Variants in OVCH1 observed in about 807,000 individuals in gnomAD.
The protein encoded by OVCH1 is ovochymase-1.
OVCH1 carries 139 observed loss-of-function variants against 138.4 expected under a neutral mutation model. The observed-to-expected ratio is 1.00, with a 90% confidence interval of 0.87 to 1.16. The LOEUF is 1.16. Among genes scored for constraint, OVCH1 ranks in the 50% most tolerant of loss-of-function variants. OVCH1 has a pLI of 0.00. For synonymous variants in OVCH1, 453 were observed against 467.8 expected (o/e 0.97, Z 0.41); for missense variants, 1,367 against 1,357.9 (o/e 1.01, Z -0.11).
intron 21 of OVCH1, among the ~76,000 whole-genome samples, chr12:29,452,241 G>A (rs925432012): frequency 2.0e-5 from 3 of 152,088 alleles, no homozygotes; most frequent in Admixed American, 1.3e-4. Flanking sequence ...TTTAATGTAT[G>A]TGTTAGTGAA....
intron 21 of OVCH1, among the ~76,000 whole-genome samples, chr12:29,452,634 G>A (rs1941829458): frequency 6.6e-6 from 1 of 152,190 alleles, no homozygotes; most frequent in African/African-American, 2.4e-5. Context: ...TCTGGCCTCA[G>A]CCTGTCTTTC....
chr12:29,423,017 C>T (rs1038195175), downstream of OVCH1: 13 of 239,962 alleles, frequency 5.4e-5, no homozygotes, highest in Non-Finnish European at 1.0e-4. Context: ...ATATCCTTTT[C>T]TTTTTTTAGT....
intron 23 of OVCH1, 117 bp downstream of exon 23, chr12:29,445,161 C>T (rs1337351242): frequency 8.2e-7 from 1 of 1,217,508 alleles, no homozygotes; most frequent in Non-Finnish European, 1.1e-6. Flanking sequence ...AACATATACT[C>T]ATTTCCCCAC....
the OVCH1 span, among the ~76,000 whole-genome samples, chr12:29,403,044 C>A: frequency 6.6e-6 from 1 of 152,116 alleles, no homozygotes; most frequent in Non-Finnish European, 1.5e-5. Context: ...ATTTGGGAAA[C>A]ATACCATTTT....
intron 16 of OVCH1, among the ~76,000 whole-genome samples, chr12:29,468,445 A>G (rs1258116451): frequency 6.6e-6 from 1 of 152,204 alleles, no homozygotes; most frequent in African/African-American, 2.4e-5. Context: ...TGGGAAGAAT[A>G]GGTTTGTTAT....
intron 8 of OVCH1, among the ~76,000 whole-genome samples, chr12:29,485,524 C>T (rs894456511): frequency 6.6e-6 from 1 of 151,808 alleles, no homozygotes; most frequent in African/African-American, 2.4e-5. Flanking sequence ...CCTGTAATAC[C>T]AGCACTTTGG....
intron 4 of OVCH1, among the ~76,000 whole-genome samples, chr12:29,493,728 A>G (rs926927834): frequency 3.3e-5 from 5 of 152,108 alleles, no homozygotes; most frequent in Non-Finnish European, 5.9e-5. Context: ...TTGTGGTTCA[A>G]TCATTTTCAG....
At chr12:29,409,792 G>C (rs1010740128), downstream of OVCH1, among the ~76,000 whole-genome samples, 5 of 152,164 alleles carry the variant, frequency 3.3e-5, no homozygotes, top group African/African-American at 1.2e-4. Context: ...CTGTTGATTT[G>C]GGGTGGAGAG....
At chr12:29,465,853 TC>T (rs1477498228) in intron 16 of OVCH1, among the ~76,000 whole-genome samples, 1 of 151,598 alleles carries the variant, frequency 6.6e-6, no homozygotes, top group Non-Finnish European at 1.5e-5. Flanking sequence ...AACCCAAACA[TC>T]CATCAATGAT....
At chr12:29,421,823 G>A (rs11829375) in intron 3 of OVCH1, among the ~76,000 whole-genome samples, 26,265 of 152,008 alleles carry the variant, frequency 0.17, 2,538 homozygotes, top group African/African-American at 0.27. Context: ...ATTAGGATAT[G>A]TGCTTATTTA....
chr12:29,425,629 G>A (rs1941168299), downstream of OVCH1, among the ~76,000 whole-genome samples: 1 of 152,136 alleles, frequency 6.6e-6, no homozygotes, highest in African/African-American at 2.4e-5. Context: ...TTATTTAACA[G>A]TTTTGTGACT....
chr12:29,449,115 C>G (rs1592051405), intron 22 of OVCH1, among the ~76,000 whole-genome samples: 1 of 152,200 alleles, frequency 6.6e-6, no homozygotes, highest in Non-Finnish European at 1.5e-5. Context: ...CTTTAAAAGC[C>G]TTTAATGTAT....
chr12:29,428,334 TC>T (rs1203038842), intron 27 of OVCH1, among the ~76,000 whole-genome samples: 1 of 152,170 alleles, frequency 6.6e-6, no homozygotes, highest in Non-Finnish European at 1.5e-5. Flanking sequence ...TTAGACCCTC[TC>T]CAAAATTACC....
At chr12:29,455,032 A>G in intron 20 of OVCH1, 99 bp from the exon 21 acceptor site, 1 of 1,231,088 alleles carries the variant, frequency 8.1e-7, no homozygotes. Flanking sequence ...CAAAAAAGAA[A>G]CAAATCCAGG....
rs143934334 is a variant in OVCH1, at chr12:29,471,095, G to T, written c.1856+707C>A. On this transcript the variant is annotated intron_variant, in intron 16 of 27. Transcript: ENST00000318184. ...TTTTTTTCCTTGTAAATTTAGCATA[G>T]TATTTCTTAAGAGGGATTCTAAGGG... is the stretch of plus-strand genomic sequence containing the variant. 3.6e-3 allele frequency among the ~76,000 whole-genome samples: 542 copies of T among 152,062 alleles called. 3 individuals carry two copies. Among genetic ancestry groups the T allele is most frequent in the African/African-American group, 0.012 (515 of 41,490 alleles).
chr12:29,445,260 T>C lies in OVCH1; in HGVS notation c.2881+18A>G, dbSNP rs559633169. On this transcript the variant is annotated intron_variant, in intron 23 of 27. Transcript: ENST00000318184. ...GATTTCTTTAGCCTTTACAAGTTTA[T>C]AAAATAACCAAACATACCTAGGACT... 7 of 1,595,860 alleles carry C rather than the reference T, an allele frequency of 4.4e-6. No homozygotes were observed. The highest frequency in any genetic ancestry group is 1.7e-5 in the Admixed American group (1 of 57,914).
intron 21 of OVCH1, among the ~76,000 whole-genome samples, chr12:29,453,651 C>T (rs1163379035): frequency 1.3e-5 from 2 of 152,144 alleles, no homozygotes; most frequent in African/African-American, 4.8e-5. Flanking sequence ...ACAAATCTCT[C>T]ATCCTTATTT....
chr12:29,481,182 T>A (rs972333600), intron 8 of OVCH1, among the ~76,000 whole-genome samples: 2 of 152,208 alleles, frequency 1.3e-5, no homozygotes, highest in Non-Finnish European at 2.9e-5. Context: ...TCTCCCTACA[T>A]CTACTGCCAA....
downstream of OVCH1, chr12:29,423,090 T>C (rs116324386): frequency 9.3e-4 from 356 of 384,510 alleles, 1 homozygote; most frequent in African/African-American, 6.8e-3. Context: ...GCTTATGCAG[T>C]ATCTGCTTTA....
Sources: gnomAD v4.1 joint callset for allele counts (sites outside exome capture counted in the v4.1 genomes callset) on GRCh38, gnomAD v4.1.1 for gene constraint, MANE v1.5 for transcripts, NCBI Gene and HGNC (gene_info 2026-07-23, HGNC 2026-07-21) for gene names.